The following ZNF831 variants were observed in gnomAD, a reference collection of about 807,000 sequenced individuals.
ZNF831 encodes chromosome 20 open reading frame 174.
A neutral mutation model predicts 95.8 loss-of-function variants in ZNF831; 59 were observed. That is an observed-to-expected ratio of 0.62 (90% CI 0.50 to 0.77). The LOEUF (loss-of-function observed/expected upper bound fraction) is 0.77, where lower values mean the gene tolerates loss of function less well. ZNF831 is among the 30% of genes least tolerant of loss of function. The pLI is 0.00. For synonymous variants in ZNF831, 961 were observed against 925.5 expected (o/e 1.04, Z -0.70); for missense variants, 2,205 against 2,164.0 (o/e 1.02, Z -0.38).
At chr20:59,154,151 C>T (rs539096599) in intron 2 of ZNF831, among the ~76,000 whole-genome samples, 2 of 152,316 alleles carry the variant, frequency 1.3e-5, no homozygotes, top group Non-Finnish European at 2.9e-5. Context: ...CTAAAAGTGT[C>T]ACAGGGACCC....
intron 4 of ZNF831, among the ~76,000 whole-genome samples, chr20:59,207,269 A>G (rs188052928): frequency 6.6e-6 from 1 of 152,348 alleles, no homozygotes; most frequent in East Asian, 1.9e-4. Flanking sequence ...GGAGAATTCA[A>G]TATTGAGAAG....
At chr20:59,196,419 G>T (rs186842899) in intron 3 of ZNF831, among the ~76,000 whole-genome samples, 1 of 152,094 alleles carries the variant, frequency 6.6e-6, no homozygotes, top group Non-Finnish European at 1.5e-5. Context: ...GATAATCACC[G>T]TGAACATTCA....
At position 59,255,442 on chromosome 20, in the gene ZNF831, G is replaced by A. The variant is rs1267815517; in HGVS notation, c.*699G>A. Reference sequence around the variant, plus strand: ...CAATGCTTATTTATGGTCAGATGATGCAAGCACATGCTCTTGTGCCTGGTG... The same window carrying A: ...CAATGCTTATTTATGGTCAGATGATACAAGCACATGCTCTTGTGCCTGGTG... On this transcript the variant is annotated 3_prime_UTR_variant, in exon 6 of 6. Coordinates refer to ENST00000371030, the MANE Select transcript of ZNF831 (RefSeq NM_178457.3). 6.6e-6 allele frequency: 1 copy of A among 152,244 alleles called. No homozygotes were observed. The highest frequency in any genetic ancestry group is 2.4e-5 in the African/African-American group (1 of 41,438). 9.4% of individuals were successfully genotyped at this position (152,244 alleles called of 1,614,324 possible). A position where few individuals can be genotyped will look rare whatever the true frequency, so the allele number is the denominator to read the frequency against.
At chr20:59,251,347 A>G (rs542041503) in intron 4 of ZNF831, among the ~76,000 whole-genome samples, 19 of 152,352 alleles carry the variant, frequency 1.2e-4, no homozygotes, top group African/African-American at 4.6e-4. Flanking sequence ...GATTTCATCC[A>G]AAGGACCATG....
In ZNF831 at chr20:59,193,075, G is replaced by A. The variant is rs2146576744; in HGVS notation, c.2056G>A (p.Ala686Thr). Reference sequence around the variant, plus strand: ...GACCCCTGTCCATGAGGACATATCCGCAGGGGCAACGCCAGAGCCTTGGGG... The same window carrying A: ...GACCCCTGTCCATGAGGACATATCCACAGGGGCAACGCCAGAGCCTTGGGG... ...RRTPVHEDIS[A>T]GATPEPWGNP... is the part of the protein sequence containing the mutation. Residue 686 changes from alanine to threonine, a missense_variant, in exon 2 of 6, where the codon GCA (alanine) becomes ACA (threonine). Transcript: ENST00000371030. 3.1e-6 allele frequency: 5 copies of A among 1,593,746 alleles called. No individual in the cohort carries two copies. In the East Asian group the frequency reaches 6.7e-5, roughly 21 times the overall value.
At position 59,257,592 on chromosome 20, in the gene ZNF831, C is replaced by CT. The variant is rs1988242528; in HGVS notation, c.*2850dup. 6.6e-6 allele frequency: 1 copy of CT among 152,166 alleles called. No homozygotes were observed. Among genetic ancestry groups the CT allele is most frequent in the Non-Finnish European group, 1.5e-5 (1 of 68,036 alleles). The allele number at this position is 152,166 out of a possible 1,614,324, so 9.4% of individuals were successfully genotyped here. The stretch of plus-strand genomic sequence containing the variant: ...AAATGTCAGTATTATCAATTGATAA[C>CT]TACCACAGTTTTATACTCTGCAAGT... On this transcript the variant is annotated 3_prime_UTR_variant, in exon 6 of 6. Coordinates refer to ENST00000371030, the MANE Select transcript of ZNF831 (RefSeq NM_178457.3).
At chr20:59,163,806 T>G (rs1352693595), upstream of ZNF831, among the ~76,000 whole-genome samples, 1 of 152,028 alleles carries the variant, frequency 6.6e-6, no homozygotes, top group African/African-American at 2.4e-5. Context: ...ATAATTTACT[T>G]CCTATTTCTG....
intron 4 of ZNF831, among the ~76,000 whole-genome samples, chr20:59,215,563 T>C (rs6070744): frequency 0.09 from 13,725 of 152,298 alleles, 787 homozygotes; most frequent in Non-Finnish European, 0.14. Context: ...TTGTGATGAG[T>C]GACTTTTATC....
chr20:59,154,283 A>C (rs1980409580), intron 2 of ZNF831, among the ~76,000 whole-genome samples: 1 of 152,184 alleles, frequency 6.6e-6, no homozygotes, highest in Admixed American at 6.5e-5. Flanking sequence ...TTCTCCAAGA[A>C]TGCACACATG....
chr20:59,123,550 A>G, intron 1 of ZNF831: 1 of 153,000 alleles, frequency 6.5e-6, no homozygotes, highest in Non-Finnish European at 1.5e-5. Flanking sequence ...ACCCCGTAGG[A>G]AAGAGGAGCC....
chr20:59,155,655 G>T (rs1044662295), intron 2 of ZNF831, among the ~76,000 whole-genome samples: 3 of 152,206 alleles, frequency 2.0e-5, no homozygotes, highest in Non-Finnish European at 4.4e-5. Context: ...GGGCCAGGCC[G>T]CACTGTCTAC....
At chr20:59,230,607 A>G (rs1252163985) in intron 4 of ZNF831, among the ~76,000 whole-genome samples, 1 of 152,238 alleles carries the variant, frequency 6.6e-6, no homozygotes, top group Non-Finnish European at 1.5e-5. Flanking sequence ...CATAAACAGA[A>G]TGCAAAAGAG....
chr20:59,254,219 A>C lies in ZNF831; in HGVS notation c.4510A>C (p.Ile1504Leu), dbSNP rs760495064. ...TTCTCTGCCAGTGAGAACAGATCAC[A>C]TAGCCCAGGAAATTCACAGTGCTGA... ...CISLPVRTDH[I>L]AQEIHSAESR... The change falls in exon 6 of 6, where the codon ATA becomes CTA. Residue 1504 changes from isoleucine (I) to leucine (L), a missense_variant. Transcript: ENST00000371030. The surrounding 1 kb of genome is among the most constrained non-coding windows in gnomAD (Gnocchi z 4.5). The C allele has an allele frequency of 1.9e-5, 30 of 1,614,020 alleles. No homozygotes were observed. Among genetic ancestry groups the C allele is most frequent in the Non-Finnish European group, 2.5e-5 (30 of 1,180,024 alleles).
intron 3 of ZNF831, among the ~76,000 whole-genome samples, chr20:59,201,479 TTGA>T (rs1347312029): frequency 1.3e-5 from 2 of 152,196 alleles, no homozygotes; most frequent in African/African-American, 2.4e-5. Flanking sequence ...GTCTTTCACT[TTGA>T]TGATATTTAA....
At chr20:59,184,723 C>G (rs529579034) in intron 1 of ZNF831, among the ~76,000 whole-genome samples, 1 of 152,286 alleles carries the variant, frequency 6.6e-6, no homozygotes, top group East Asian at 1.9e-4. Flanking sequence ...TTCTCCATGG[C>G]CTTCTCTTTC....
At chr20:59,165,382 G>T (rs371671994) in intron 1 of ZNF831, among the ~76,000 whole-genome samples, 3 of 152,186 alleles carry the variant, frequency 2.0e-5, no homozygotes, top group Non-Finnish European at 4.4e-5. Context: ...AGTCTACCAC[G>T]TCTGGACAAA....
In ZNF831 at chr20:59,192,442, A is replaced by G. The variant is rs575127906; in HGVS notation, c.1423A>G (p.Thr475Ala). 4.4e-6 allele frequency: 7 copies of G among 1,604,376 alleles called. 1 individual carries two copies. The South Asian group carries it at 6.7e-5, about 15-fold the overall frequency. ...CCCGGGCCCCGTGCGCTCCACCTGG[A>G]CGCCCCCAGACAAGTCTCGGCCCCT... ...RAPGPVRSTWTPPDKSRPLFF... is the reference protein window; with the variant it reads ...RAPGPVRSTWAPPDKSRPLFF... Residue 475 changes from threonine (T) to alanine (A), a missense_variant, in exon 2 of 6, where the codon ACG becomes GCG. By Grantham distance (58) the Thr-to-Ala change is moderately conservative. Transcript: ENST00000371030. The surrounding 1 kb of genome is among the most constrained non-coding windows in gnomAD (Gnocchi z 5.2).
intron 1 of ZNF831, among the ~76,000 whole-genome samples, chr20:59,177,470 T>C (rs1235301422): frequency 1.3e-5 from 2 of 152,202 alleles, no homozygotes; most frequent in Non-Finnish European, 2.9e-5. Context: ...GCCTTTGCAT[T>C]GCAGGAAACA....
At chr20:59,178,818 A>G (rs1006966541) in intron 1 of ZNF831, among the ~76,000 whole-genome samples, 14 of 152,054 alleles carry the variant, frequency 9.2e-5, no homozygotes, top group Middle Eastern at 3.2e-3. Flanking sequence ...ATATTTTTCC[A>G]TTTTACAAAC....
Sources: allele counts gnomAD v4.1 joint callset (sites outside exome capture counted in the v4.1 genomes callset), GRCh38; gene constraint gnomAD v4.1.1; non-coding constraint Gnocchi (gnomAD v3.1); transcripts MANE v1.5; gene names NCBI Gene and HGNC (gene_info 2026-07-23, HGNC 2026-07-21).